SOS1: variants seen among roughly 807,000 people sequenced by gnomAD.
The protein encoded by SOS1 is SOS Ras/Rac guanine nucleotide exchange factor 1.
A neutral mutation model predicts 157.6 loss-of-function variants in SOS1; 25 were observed. The ratio of observed to expected loss-of-function variants is 0.16; its 90% confidence interval spans 0.12 to 0.22. The LOEUF (loss-of-function observed/expected upper bound fraction) is 0.22, where lower values mean the gene tolerates loss of function less well. Ranked by LOEUF, SOS1 falls within the 10% of genes least tolerant of loss-of-function variation. The pLI is 1.00. For synonymous variants in SOS1, 528 were observed against 534.0 expected, an observed-to-expected ratio of 0.99 and a Z score of 0.16; for missense variants, 1,237 against 1,599.1, an observed-to-expected ratio of 0.77 and a Z score of 3.86.
At chr2:39,098,698 T>C (rs1558512348) in intron 1 of SOS1, among the ~76,000 whole-genome samples, 1 of 152,096 alleles carries the variant, frequency 6.6e-6, no homozygotes. Flanking sequence ...GGCCATCCTG[T>C]CTAATACGGT....
intron 1 of SOS1, among the ~76,000 whole-genome samples, chr2:39,106,470 C>G (rs1453512147): frequency 1.0e-4 from 15 of 148,832 alleles, no homozygotes; most frequent in African/African-American, 3.7e-4. Flanking sequence ...GGGCGCCTGT[C>G]GTCCCAGCTA....
intron 1 of SOS1, among the ~76,000 whole-genome samples, chr2:39,106,590 C>CAAAAAAAAAA (rs775720230): frequency 6.4e-5 from 2 of 31,346 alleles, no homozygotes; most frequent in Admixed American, 3.8e-4. Context: ...GACTCCGTCT[C>CAAAAAAAAAA]AAAAAAAAAA....
intron 1 of SOS1, among the ~76,000 whole-genome samples, chr2:39,079,431 A>T (rs1229795596): frequency 1.3e-5 from 2 of 151,818 alleles, no homozygotes; most frequent in Non-Finnish European, 2.9e-5. Flanking sequence ...CCTCCAGGGG[A>T]AGGGAAAGAA....
chr2:39,096,129 C>T (rs2148196127), intron 1 of SOS1, among the ~76,000 whole-genome samples: 1 of 152,304 alleles, frequency 6.6e-6, no homozygotes, highest in South Asian at 2.1e-4. Context: ...TGAACATCTA[C>T]AAGCTATAAC....
intron 1 of SOS1, among the ~76,000 whole-genome samples, chr2:39,118,928 G>C (rs2148240197): frequency 6.6e-6 from 1 of 152,292 alleles, no homozygotes; most frequent in South Asian, 2.1e-4. Context: ...CTGATACCTT[G>C]GTGATTCCCC....
At chr2:39,020,244 T>G (rs1444369262) in intron 10 of SOS1, among the ~76,000 whole-genome samples, 1 of 151,652 alleles carries the variant, frequency 6.6e-6, no homozygotes, top group East Asian at 1.9e-4. Context: ...TACATTACTG[T>G]TAAAATATTT....
At chr2:39,078,561 G>A (rs1040347150) in intron 1 of SOS1, among the ~76,000 whole-genome samples, 9 of 152,128 alleles carry the variant, frequency 5.9e-5, no homozygotes, top group Non-Finnish European at 1.3e-4. Context: ...TACCACCTGA[G>A]CTCTGTCTGT....
At chr2:39,018,846 A>G (rs1277485063) in intron 10 of SOS1, among the ~76,000 whole-genome samples, 2 of 151,866 alleles carry the variant, frequency 1.3e-5, no homozygotes, top group Non-Finnish European at 3.0e-5. Flanking sequence ...CTCCTCAACA[A>G]GGATTTATAA....
intron 1 of SOS1, among the ~76,000 whole-genome samples, chr2:39,110,169 G>A (rs1673370280): frequency 6.6e-6 from 1 of 152,020 alleles, no homozygotes; most frequent in South Asian, 2.1e-4. Context: ...CAGATGCTCA[G>A]TAATCCTACA....
intron 6 of SOS1, among the ~76,000 whole-genome samples, chr2:39,035,854 G>A (rs986971730): frequency 1.1e-4 from 16 of 151,848 alleles, no homozygotes; most frequent in African/African-American, 3.9e-4. Context: ...TGTACAACTA[G>A]GTAAGGTATA....
chr2:39,057,321 A>G (rs996565108), intron 3 of SOS1, among the ~76,000 whole-genome samples: 10 of 152,120 alleles, frequency 6.6e-5, no homozygotes, highest in African/African-American at 2.4e-4. Flanking sequence ...GCTCCCCAAA[A>G]CCACAGCGGG....
intron 3 of SOS1, 74 bp from the exon 4 acceptor site, chr2:39,056,940 C>T: frequency 4.7e-6 from 5 of 1,066,636 alleles, no homozygotes; most frequent in Non-Finnish European, 7.2e-6. Flanking sequence ...AAATAAAAAA[C>T]ATATTTGCAC....
chr2:39,070,743 T>C (rs998910745), intron 1 of SOS1, among the ~76,000 whole-genome samples: 6 of 152,216 alleles, frequency 3.9e-5, no homozygotes, highest in African/African-American at 1.2e-4. Flanking sequence ...GTAGCTATAA[T>C]TGGGGGTTAC....
At chr2:39,074,177 C>G (rs1671883637) in intron 1 of SOS1, among the ~76,000 whole-genome samples, 2 of 151,916 alleles carry the variant, frequency 1.3e-5, no homozygotes, top group Non-Finnish European at 2.9e-5. Context: ...CAGTGAAACC[C>G]CGTGTGTACT....
chr2:39,072,604 T>A (rs1283247721), intron 1 of SOS1, among the ~76,000 whole-genome samples: 1 of 152,216 alleles, frequency 6.6e-6, no homozygotes, highest in Non-Finnish European at 1.5e-5. Context: ...GCACATATAA[T>A]TCAAATGTTA....
chr2:39,113,772 C>T (rs1673531573), intron 1 of SOS1, among the ~76,000 whole-genome samples: 1 of 152,178 alleles, frequency 6.6e-6, no homozygotes, highest in South Asian at 2.1e-4. Flanking sequence ...TCTATTAGCT[C>T]CTTCCTCAAA....
intron 6 of SOS1, among the ~76,000 whole-genome samples, chr2:39,039,525 A>C (rs1670482544): frequency 6.6e-6 from 1 of 152,198 alleles, no homozygotes; most frequent in South Asian, 2.1e-4. Context: ...CCTGATTACT[A>C]GTAAGGTTGA....
chr2:39,085,694 T>C (rs1192420270), intron 1 of SOS1, among the ~76,000 whole-genome samples: 1 of 152,238 alleles, frequency 6.6e-6, no homozygotes, highest in Non-Finnish European at 1.5e-5. Context: ...TTCACATTTA[T>C]AGAAACCATC....
intron 1 of SOS1, among the ~76,000 whole-genome samples, chr2:39,085,955 T>G (rs556521802): frequency 5.5e-4 from 84 of 152,176 alleles, no homozygotes; most frequent in Admixed American, 4.6e-3. Flanking sequence ...AGAGGCAGAG[T>G]AGTAAAAAGG....
Sources: allele counts gnomAD v4.1 joint callset (sites outside exome capture counted in the v4.1 genomes callset), GRCh38; gene constraint gnomAD v4.1.1; transcripts MANE v1.5; gene names NCBI Gene and HGNC (gene_info 2026-07-23, HGNC 2026-07-21).